ERBB4: variants seen among roughly 807,000 people sequenced by gnomAD.
ERBB4 encodes receptor tyrosine-protein kinase erbB-4.
ERBB4 carries 42 observed loss-of-function variants against 158.0 expected under a neutral mutation model. That is an observed-to-expected ratio of 0.27 (90% CI 0.21 to 0.34). The LOEUF is 0.34. Among genes scored for constraint, ERBB4 ranks in the 10% least tolerant of loss-of-function variants. The probability of loss-of-function intolerance (pLI) is 1.00; values close to 1 mark genes in which losing one functional copy is unlikely to be tolerated. For missense variants in ERBB4, 1,333 were observed against 1,624.1 expected (o/e 0.82, Z 3.08); for synonymous variants, 583 against 558.7 (o/e 1.04, Z -0.61).
chr2:211,576,856 T>C (rs2067908521), intron 19 of ERBB4, among the ~76,000 whole-genome samples: 1 of 152,130 alleles, frequency 6.6e-6, no homozygotes, highest in South Asian at 2.1e-4. Context: ...AAGAAAAATA[T>C]GAATATGGTA....
intron 1 of ERBB4, among the ~76,000 whole-genome samples, chr2:212,236,283 T>C (rs1422905110): frequency 1.3e-5 from 2 of 152,220 alleles, no homozygotes; most frequent in African/African-American, 2.4e-5. Flanking sequence ...GATTTGCGTA[T>C]GTTGAACCAG....
intron 3 of ERBB4, among the ~76,000 whole-genome samples, chr2:211,905,493 C>A (rs2079355045): frequency 6.6e-6 from 1 of 151,420 alleles, no homozygotes; most frequent in African/African-American, 2.4e-5. Flanking sequence ...CTTGAGGAGC[C>A]ATTATTTTGA....
intron 1 of ERBB4, among the ~76,000 whole-genome samples, chr2:212,326,676 G>A (rs564096327): frequency 1.4e-4 from 21 of 150,554 alleles, no homozygotes; most frequent in African/African-American, 4.8e-4. Context: ...TACCAACCAG[G>A]GCTTTGATTT....
intron 21 of ERBB4, among the ~76,000 whole-genome samples, chr2:211,429,852 A>G (rs543609384): frequency 6.6e-6 from 1 of 152,312 alleles, no homozygotes; most frequent in Non-Finnish European, 1.5e-5. Context: ...AATAGTTACC[A>G]AGCATTTAAA....
intron 1 of ERBB4, among the ~76,000 whole-genome samples, chr2:212,348,633 T>A (rs887783066): frequency 4.0e-5 from 6 of 150,786 alleles, no homozygotes; most frequent in African/African-American, 1.4e-4. Flanking sequence ...AGTAAACATC[T>A]AAATTCAGTG....
At chr2:211,979,976 G>A (rs1372931025) in intron 2 of ERBB4, among the ~76,000 whole-genome samples, 2 of 151,980 alleles carry the variant, frequency 1.3e-5, no homozygotes, top group East Asian at 3.9e-4. Flanking sequence ...TTTAATATAT[G>A]TCTTCAAATA....
Position 212,444,315 on chromosome 2 carries a change from C to T in ERBB4, c.82+94134G>A, listed in dbSNP as rs141900776. On this transcript the variant is annotated intron_variant, in intron 1 of 27. Transcript: ENST00000342788. ...AGGAAAATTTTCCCAGTGGGCAGAACTTTGAGCAGTACACCTGGTTGTGCA... is the reference window on the plus strand; with the variant it reads ...AGGAAAATTTTCCCAGTGGGCAGAATTTTGAGCAGTACACCTGGTTGTGCA... Among the ~76,000 whole-genome samples the T allele has an allele frequency of 9.4e-3, 1,426 of 152,324 alleles. 6 individuals carry two copies. The highest frequency in any genetic ancestry group is 0.015 in the Non-Finnish European group (1,051 of 68,030).
At chr2:212,062,513 T>C (rs1203739829) in intron 2 of ERBB4, among the ~76,000 whole-genome samples, 1 of 145,552 alleles carries the variant, frequency 6.9e-6, no homozygotes, top group African/African-American at 2.5e-5. Context: ...GTTTAAGCGA[T>C]TCTCCTGCTT....
chr2:212,116,788 A>T (rs1361786105), intron 2 of ERBB4, among the ~76,000 whole-genome samples: 4 of 152,224 alleles, frequency 2.6e-5, no homozygotes, highest in Admixed American at 6.5e-5. Flanking sequence ...AAGAAAATTT[A>T]AAATAAATGT....
intron 2 of ERBB4, among the ~76,000 whole-genome samples, chr2:212,030,955 C>T (rs73087372): frequency 0.1 from 15,899 of 151,954 alleles, 843 homozygotes; most frequent in African/African-American, 0.13. Context: ...GCTAATCCAC[C>T]GACATTTAAC....
intron 1 of ERBB4, among the ~76,000 whole-genome samples, chr2:212,169,566 A>C (rs1215738209): frequency 2.0e-5 from 3 of 152,184 alleles, no homozygotes; most frequent in Non-Finnish European, 4.4e-5. Context: ...TTCTAGAAGG[A>C]AACTTAGGCA....
intron 20 of ERBB4, among the ~76,000 whole-genome samples, chr2:211,514,507 C>A (rs1182954830): frequency 6.6e-6 from 1 of 152,148 alleles, no homozygotes; most frequent in Admixed American, 6.5e-5. Context: ...TTGCCATTCT[C>A]AAACAGTGAC....
At chr2:212,429,843 T>C (rs1315208292) in intron 1 of ERBB4, among the ~76,000 whole-genome samples, 1 of 152,208 alleles carries the variant, frequency 6.6e-6, no homozygotes, top group Non-Finnish European at 1.5e-5. Flanking sequence ...CTGTGGAAAG[T>C]AATTAAAATA....
intron 1 of ERBB4, among the ~76,000 whole-genome samples, chr2:212,234,261 C>T (rs2083771673): frequency 6.6e-6 from 1 of 151,962 alleles, no homozygotes; most frequent in South Asian, 2.1e-4. Flanking sequence ...TGTTAGTTTG[C>T]TGAGAATGAT....
intron 1 of ERBB4, among the ~76,000 whole-genome samples, chr2:212,268,581 C>T (rs768443775): frequency 4.0e-5 from 6 of 151,796 alleles, no homozygotes; most frequent in Non-Finnish European, 5.9e-5. Context: ...TTTCAAGGGT[C>T]AAGAAACTTC....
intron 20 of ERBB4, among the ~76,000 whole-genome samples, chr2:211,454,667 G>A (rs145857453): frequency 1.3e-5 from 2 of 152,270 alleles, no homozygotes; most frequent in East Asian, 3.9e-4. Flanking sequence ...CAGTCAGGGG[G>A]TTATTGGTTT....
At chr2:212,167,930 G>A (rs528769673) in intron 1 of ERBB4, among the ~76,000 whole-genome samples, 2 of 152,098 alleles carry the variant, frequency 1.3e-5, no homozygotes, top group Admixed American at 6.6e-5. Context: ...CACACACCAG[G>A]GCCTGTTGGG....
intron 1 of ERBB4, among the ~76,000 whole-genome samples, chr2:212,523,490 A>G (rs1157637587): frequency 6.6e-6 from 1 of 152,020 alleles, no homozygotes; most frequent in Admixed American, 6.6e-5. Context: ...TTAATTGGTG[A>G]TAATATAATG....
At chr2:211,740,185 C>G (rs1199417572) in intron 5 of ERBB4, among the ~76,000 whole-genome samples, 1 of 152,128 alleles carries the variant, frequency 6.6e-6, no homozygotes, top group African/African-American at 2.4e-5. Flanking sequence ...TCATAATGCT[C>G]TATCAGCTCC....
Sources: allele counts gnomAD v4.1 joint callset (sites outside exome capture counted in the v4.1 genomes callset), GRCh38; gene constraint gnomAD v4.1.1; transcripts MANE v1.5; gene names NCBI Gene and HGNC (gene_info 2026-07-23, HGNC 2026-07-21).